PDE1A: variants seen among roughly 807,000 people sequenced by gnomAD.
The protein encoded by PDE1A is phosphodiesterase 1A, also known as dual specificity calcium/calmodulin-dependent 3',5'-cyclic nucleotide phosphodiesterase 1A.
PDE1A carries 35 observed loss-of-function variants against 61.7 expected under a neutral mutation model. The observed-to-expected ratio is 0.57, with a 90% CI of 0.43 to 0.75. PDE1A has a LOEUF of 0.75. Ranked by LOEUF, PDE1A falls within the 30% of genes least tolerant of loss-of-function variation. The probability of loss-of-function intolerance (pLI) is 0.00; values close to 1 mark genes in which losing one functional copy is unlikely to be tolerated. For synonymous variants in PDE1A, 232 were observed against 213.2 expected (o/e 1.09, Z -0.77); for missense variants, 597 against 630.6 (o/e 0.95, Z 0.57).
At chr2:182,414,988 C>T (rs932340867) in intron 1 of PDE1A, among the ~76,000 whole-genome samples, 2 of 151,988 alleles carry the variant, frequency 1.3e-5, no homozygotes, top group African/African-American at 2.4e-5. Context: ...AGACTGGAGT[C>T]GGAAAGTATT....
chr2:182,210,241 C>T (rs1687469476), intron 7 of PDE1A, among the ~76,000 whole-genome samples: 1 of 152,128 alleles, frequency 6.6e-6, no homozygotes, highest in African/African-American at 2.4e-5. Flanking sequence ...AATGGCTATA[C>T]CAGTTTTCAT....
intron 6 of PDE1A, among the ~76,000 whole-genome samples, chr2:182,224,918 G>A (rs546309756): frequency 8.8e-4 from 134 of 151,862 alleles, no homozygotes; most frequent in African/African-American, 3.1e-3. Context: ...GGCACTTGAT[G>A]GTACGAATGC....
chr2:182,448,111 C>G (rs1410224845), intron 2 of PDE1A, among the ~76,000 whole-genome samples: 1 of 152,114 alleles, frequency 6.6e-6, no homozygotes, highest in Non-Finnish European at 1.5e-5. Flanking sequence ...AGGATAGGCT[C>G]AGTGAAACTT....
chr2:182,712,403 G>C, the PDE1A span, among the ~76,000 whole-genome samples: 3 of 152,150 alleles, frequency 2.0e-5, no homozygotes, highest in Non-Finnish European at 4.4e-5. Context: ...TTGTGTTTTG[G>C]TTATGAAGGA....
the PDE1A span, among the ~76,000 whole-genome samples, chr2:182,594,491 C>A: frequency 6.6e-6 from 1 of 152,194 alleles, no homozygotes; most frequent in Admixed American, 6.5e-5. Context: ...TTTAAGAAAC[C>A]TCTAAGTTGC....
intron 1 of PDE1A, among the ~76,000 whole-genome samples, chr2:182,378,239 G>T (rs1239717531): frequency 6.6e-6 from 1 of 152,134 alleles, no homozygotes; most frequent in Non-Finnish European, 1.5e-5. Flanking sequence ...CAACACAAAA[G>T]TTTGCATAAT....
the PDE1A span, among the ~76,000 whole-genome samples, chr2:182,547,159 C>A: frequency 6.6e-6 from 1 of 152,154 alleles, no homozygotes; most frequent in South Asian, 2.1e-4. Context: ...TCATTAACAG[C>A]CCTAGTTAAT....
intron 13 of PDE1A, among the ~76,000 whole-genome samples, chr2:182,160,717 T>C (rs1196068): frequency 0.47 from 71,306 of 151,966 alleles, 17,734 homozygotes; most frequent in African/African-American, 0.63. Flanking sequence ...ATCTTGCAGA[T>C]GGCCTATCGT....
At chr2:182,677,920 C>A in the PDE1A span, among the ~76,000 whole-genome samples, 1 of 152,038 alleles carries the variant, frequency 6.6e-6, no homozygotes, top group South Asian at 2.1e-4. Context: ...TCAGTTCAAC[C>A]CAGGAATTCT....
chr2:182,707,486 A>G, the PDE1A span, among the ~76,000 whole-genome samples: 1 of 152,216 alleles, frequency 6.6e-6, no homozygotes, highest in South Asian at 2.1e-4. Context: ...CTAAAAGATA[A>G]TAAAGGAACT....
At chr2:182,278,362 G>A (rs576084456) in intron 1 of PDE1A, among the ~76,000 whole-genome samples, 1 of 152,084 alleles carries the variant, frequency 6.6e-6, no homozygotes, top group East Asian at 1.9e-4. Context: ...ATGAGCTGGA[G>A]CATAAACTTT....
At chr2:182,552,975 G>A in the PDE1A span, among the ~76,000 whole-genome samples, 22 of 152,260 alleles carry the variant, frequency 1.4e-4, no homozygotes, top group South Asian at 4.1e-4. Flanking sequence ...CAGGGTGTCC[G>A]CTGTGCTCCT....
At chr2:182,183,713 TA>T (rs2125384938) in intron 13 of PDE1A, among the ~76,000 whole-genome samples, 1 of 150,846 alleles carries the variant, frequency 6.6e-6, no homozygotes, top group Admixed American at 6.7e-5. Flanking sequence ...ACAAGTTTTT[TA>T]AATATGTTTT....
intron 1 of PDE1A, among the ~76,000 whole-genome samples, chr2:182,347,959 C>G (rs986415879): frequency 1.3e-5 from 2 of 152,010 alleles, no homozygotes; most frequent in African/African-American, 4.8e-5. Context: ...AGAAGCAACA[C>G]GTAGTTTTGG....
At chr2:182,594,430 A>G in the PDE1A span, among the ~76,000 whole-genome samples, 3 of 152,242 alleles carry the variant, frequency 2.0e-5, no homozygotes, top group Non-Finnish European at 4.4e-5. Flanking sequence ...CACAGTGACT[A>G]CTGAGTAGTA....
chr2:182,464,133 A>C (rs774259069), intron 2 of PDE1A, among the ~76,000 whole-genome samples: 1 of 152,158 alleles, frequency 6.6e-6, no homozygotes, highest in Non-Finnish European at 1.5e-5. Flanking sequence ...TAGAACTCCC[A>C]AAATTTTCTA....
rs1461746052 is a variant in PDE1A, at chr2:182,214,823, T to TTAAC, written c.777-8762_777-8759dup. On this transcript the variant is annotated intron_variant, in intron 7 of 13. Transcript: ENST00000351439. ...TCCCACACATTAATAATGGGAGACTTTAACACCCCACTGTCAACATTAGAC... is the reference window on the plus strand; with the variant it reads ...TCCCACACATTAATAATGGGAGACTTTAACTAACACCCCACTGTCAACATTAGAC... Among the ~76,000 whole-genome samples the TTAAC allele has an allele frequency of 3.8e-4, 38 of 100,322 alleles. 1 individual carries two copies. The highest frequency in any genetic ancestry group is 6.2e-4 in the Non-Finnish European group (31 of 50,272). 65.8% of individuals were successfully genotyped at this position (100,322 alleles called of 152,430 possible). A position where few individuals can be genotyped will look rare whatever the true frequency, so the allele number is the denominator to read the frequency against.
rs775971295 is a variant in PDE1A, at chr2:182,231,029, T to G, written c.520A>C (p.Ile174Leu). 17 of 1,559,800 alleles carry G rather than the reference T, an allele frequency of 1.1e-5. No homozygotes were observed. The South Asian group carries it at 1.8e-4, about 17-fold the overall frequency. ...ATGTTTCTGACCTTGAAACGGTTGA[T>G]AAGATCATATCTGGTAAACAGTTCA... The change falls in exon 5 of 14, where the codon ATC becomes CTC. Residue 174 changes from isoleucine to leucine, a missense_variant. Ile to Leu is a conservative substitution (Grantham distance 5). Transcript: ENST00000351439.
At chr2:182,542,846 T>G in the PDE1A span, among the ~76,000 whole-genome samples, 1 of 152,216 alleles carries the variant, frequency 6.6e-6, no homozygotes, top group African/African-American at 2.4e-5. Flanking sequence ...TCTTTATCTC[T>G]TAGGGGGAAA....
Sources: gnomAD v4.1 joint callset for allele counts (sites outside exome capture counted in the v4.1 genomes callset) on GRCh38, gnomAD v4.1.1 for gene constraint, MANE v1.5 for transcripts, NCBI Gene and HGNC (gene_info 2026-07-23, HGNC 2026-07-21) for gene names.